The following CAPSL variants were observed in gnomAD, a reference collection of about 807,000 sequenced individuals.
The protein encoded by CAPSL is calcyphosine like, also known as calcyphosin-like protein.
A neutral mutation model predicts 21.3 loss-of-function variants in CAPSL; 17 were observed. That is an observed-to-expected ratio of 0.80 (90% CI 0.55 to 1.20). The LOEUF (loss-of-function observed/expected upper bound fraction) is 1.20. Among genes scored for constraint, CAPSL ranks in the 50% most tolerant of loss-of-function variants. The pLI, the probability that CAPSL is intolerant of heterozygous loss-of-function variation, is 0.00. For missense variants in CAPSL, 289 were observed against 259.3 expected (o/e 1.11, Z -0.79); for synonymous variants, 102 against 89.3 (o/e 1.14, Z -0.80).
At chr5:35,921,800 A>G (rs923479312) in intron 1 of CAPSL, among the ~76,000 whole-genome samples, 1 of 151,948 alleles carries the variant, frequency 6.6e-6, no homozygotes, top group Non-Finnish European at 1.5e-5. Context: ...CTGACTCTTC[A>G]ATCCCCACCC....
intron 2 of CAPSL, among the ~76,000 whole-genome samples, chr5:35,914,907 C>A (rs55943838): frequency 0.013 from 2,042 of 152,196 alleles, 46 homozygotes; most frequent in African/African-American, 0.045. Context: ...TTCAAAAAAT[C>A]ATTAAATCCA....
At chr5:35,912,348 C>T (rs935565074) in intron 2 of CAPSL, among the ~76,000 whole-genome samples, 1 of 152,322 alleles carries the variant, frequency 6.6e-6, no homozygotes, top group African/African-American at 2.4e-5. Context: ...TGTCTGACAA[C>T]TTTGAAGAGA....
intron 2 of CAPSL, among the ~76,000 whole-genome samples, chr5:35,918,106 G>A (rs759754595): frequency 2.1e-4 from 32 of 152,138 alleles, no homozygotes; most frequent in Non-Finnish European, 3.1e-4. Flanking sequence ...CCCATTACCG[G>A]ATATATACCT....
At chr5:35,928,648 C>G (rs1022212563) in intron 1 of CAPSL, among the ~76,000 whole-genome samples, 2 of 152,082 alleles carry the variant, frequency 1.3e-5, no homozygotes, top group Non-Finnish European at 2.9e-5. Context: ...TTTGATAATG[C>G]CTCCTGTGAG....
At chr5:35,931,747 G>A (rs1474732853) in intron 1 of CAPSL, among the ~76,000 whole-genome samples, 1 of 152,198 alleles carries the variant, frequency 6.6e-6, no homozygotes, top group Non-Finnish European at 1.5e-5. Context: ...GCAATATAGA[G>A]AAATAAATAA....
At chr5:35,932,944 C>T (rs191837309) in intron 1 of CAPSL, among the ~76,000 whole-genome samples, 193 of 152,240 alleles carry the variant, frequency 1.3e-3, no homozygotes, top group Middle Eastern at 3.4e-3. Context: ...GACATCAGAC[C>T]ACACCAAATG....
chr5:35,917,637 G>A (rs1738427078), intron 2 of CAPSL, among the ~76,000 whole-genome samples: 1 of 152,138 alleles, frequency 6.6e-6, no homozygotes, highest in African/African-American at 2.4e-5. Flanking sequence ...AACACCGCAT[G>A]TTCGCACTCA....
chr5:35,916,795 A>G (rs1174359550), intron 2 of CAPSL, among the ~76,000 whole-genome samples: 2 of 152,238 alleles, frequency 1.3e-5, no homozygotes, highest in Non-Finnish European at 2.9e-5. Context: ...CATTCAGGAC[A>G]TAGGCATGGG....
At chr5:35,917,554 A>G (rs1210006784) in intron 2 of CAPSL, among the ~76,000 whole-genome samples, 1 of 152,202 alleles carries the variant, frequency 6.6e-6, no homozygotes, top group Non-Finnish European at 1.5e-5. Context: ...TGATGAGTTC[A>G]TGTCCTTTGT....
At chr5:35,919,061 G>GAAAACAA (rs1164319700) in intron 2 of CAPSL, among the ~76,000 whole-genome samples, 5 of 149,322 alleles carry the variant, frequency 3.3e-5, no homozygotes, top group Non-Finnish European at 5.9e-5. Context: ...GCTCTATTTG[G>GAAAACAA]AAAACAAAAA....
At chr5:35,924,760 T>A (rs1302315580) in intron 1 of CAPSL, among the ~76,000 whole-genome samples, 4 of 151,964 alleles carry the variant, frequency 2.6e-5, no homozygotes, top group African/African-American at 9.7e-5. Flanking sequence ...TAGCCTAGAG[T>A]CTTCATTAGT....
At chr5:35,914,959 C>A (rs1466404594) in intron 2 of CAPSL, among the ~76,000 whole-genome samples, 1 of 152,054 alleles carries the variant, frequency 6.6e-6, no homozygotes, top group Non-Finnish European at 1.5e-5. Context: ...TGATAGAACT[C>A]TAGCAAGACT....
intron 1 of CAPSL, among the ~76,000 whole-genome samples, chr5:35,935,558 C>T (rs897614892): frequency 1.3e-5 from 2 of 152,084 alleles, no homozygotes; most frequent in African/African-American, 2.4e-5. Flanking sequence ...TGGTCTTGAA[C>T]TCCTAAGCTC....
At chr5:35,922,880 T>G (rs1195583274) in intron 1 of CAPSL, among the ~76,000 whole-genome samples, 1 of 152,152 alleles carries the variant, frequency 6.6e-6, no homozygotes, top group East Asian at 1.9e-4. Context: ...GACCACCAAT[T>G]CACTCATCTA....
At position 35,909,982 on chromosome 5, in the gene CAPSL, G is replaced by A. The variant is rs756156534; in HGVS notation, c.409C>T (p.Arg137Cys). 2.9e-5 allele frequency: 47 copies of A among 1,613,552 alleles called. No homozygotes were observed. The East Asian group carries it at 4.7e-4, about 16-fold the overall frequency. The change falls in exon 4 of 5, where the codon CGT (arginine) becomes TGT (cysteine). Residue 137 changes from arginine (R) to cysteine (C), a missense_variant. Coordinates refer to ENST00000651391, the MANE Select transcript of CAPSL (RefSeq NM_001042625.2). ...TGGTGTTTTGCATTATATACTTCAC[G>A]AAGGTCTTCGATTGTTATAACACCA... Reference protein sequence around the residue: ...GDGVITIEDLREVYNAKHHPK... With the variant: ...GDGVITIEDLCEVYNAKHHPK...
chr5:35,910,214 G>A, intron 3 of CAPSL, 139 bp from the exon 4 acceptor site: 1 of 1,078,774 alleles, frequency 9.3e-7, no homozygotes, highest in Non-Finnish European at 1.3e-6. Context: ...CACTACAATT[G>A]CTCCAAAAAT....
At chr5:35,906,932 A>G (rs1055642448) in intron 4 of CAPSL, among the ~76,000 whole-genome samples, 3 of 152,222 alleles carry the variant, frequency 2.0e-5, no homozygotes, top group Non-Finnish European at 2.9e-5. Context: ...AAAAGCCATC[A>G]GTTACTCTTA....
At chr5:35,919,419 T>C (rs184655016) in intron 2 of CAPSL, among the ~76,000 whole-genome samples, 108 of 152,202 alleles carry the variant, frequency 7.1e-4, no homozygotes, top group African/African-American at 2.5e-3. Context: ...AAGAATTTCA[T>C]GTCAAAAAAT....
chr5:35,925,692 A>G (rs1050240366), intron 1 of CAPSL, among the ~76,000 whole-genome samples: 9 of 152,198 alleles, frequency 5.9e-5, no homozygotes, highest in Non-Finnish European at 1.3e-4. Flanking sequence ...TTCTTAAAAA[A>G]GGAAAAAGTC....
Sources: gnomAD v4.1 joint callset for allele counts (sites outside exome capture counted in the v4.1 genomes callset) on GRCh38, gnomAD v4.1.1 for gene constraint, MANE v1.5 for transcripts, NCBI Gene and HGNC (gene_info 2026-07-23, HGNC 2026-07-21) for gene names.